Variants in RYR3 observed in about 807,000 individuals in gnomAD.
The protein encoded by RYR3 is ryanodine receptor 3.
A neutral mutation model predicts 584.3 loss-of-function variants in RYR3; 207 were observed. That is an observed-to-expected ratio of 0.35 (90% confidence interval 0.32 to 0.40). The LOEUF is 0.40. Ranked by LOEUF, RYR3 falls within the 10% of genes least tolerant of loss-of-function variation. RYR3 has a pLI of 1.00. For synonymous variants in RYR3, 2,416 were observed against 2,248.5 expected, an observed-to-expected ratio of 1.07 and a Z score of -2.11; for missense variants, 5,616 against 6,089.2, an observed-to-expected ratio of 0.92 and a Z score of 2.59.
chr15:33,652,959 C>A, intron 32 of RYR3, 76 bp downstream of exon 32: 1 of 1,417,606 alleles, frequency 7.1e-7, no homozygotes, highest in Non-Finnish European at 9.5e-7. Flanking sequence ...GTTCTCCGTA[C>A]TCAGCATTCC....
Position 33,773,557 on chromosome 15 carries a change from T to A in RYR3, c.9079T>A (p.Tyr3027Asn). The A allele has an allele frequency of 6.2e-7, 1 of 1,609,066 alleles. No individual in the cohort carries two copies. Among genetic ancestry groups the A allele is most frequent in the Non-Finnish European group, 8.5e-7 (1 of 1,177,434 alleles). The stretch of plus-strand genomic sequence containing the variant: ...AGTGGGTGATGTGCAGATTTCATGC[T>A]ACCACATACTGTGCAGCCTCTACTC... Reference protein sequence around the residue: ...LLLGDVQISCYHILCSLYSLG... With the variant: ...LLLGDVQISCNHILCSLYSLG... The change falls in exon 64 of 104, where the codon TAC (tyrosine) becomes AAC (asparagine). Residue 3027 changes from tyrosine to asparagine, a missense_variant. Transcript: ENST00000634891.
At chr15:33,743,493 A>T (rs1181855558) in intron 52 of RYR3, among the ~76,000 whole-genome samples, 1 of 152,156 alleles carries the variant, frequency 6.6e-6, no homozygotes, top group Non-Finnish European at 1.5e-5. Context: ...TTTATTAATT[A>T]AAAAAAGGTG....
At chr15:33,348,560 T>A (rs1595803972) in intron 1 of RYR3, among the ~76,000 whole-genome samples, 1 of 152,002 alleles carries the variant, frequency 6.6e-6, no homozygotes, top group South Asian at 2.1e-4. Flanking sequence ...ACTGCAACCT[T>A]TGCCTCCCGG....
rs1011369220 is a variant in RYR3 at position 33,371,425 on chromosome 15, A to G, written c.51+60329A>G. Among the ~76,000 whole-genome samples the G allele has an allele frequency of 1.1e-4, 17 of 152,352 alleles. No individual in the cohort carries two copies. The South Asian group carries it at 3.1e-3, about 28-fold the overall frequency. On this transcript the variant is annotated intron_variant, in intron 1 of 103. Coordinates refer to ENST00000634891, the MANE Select transcript of RYR3 (RefSeq NM_001036.6). ...TAGCACAGAAACATTTAAACAAGTGACAATGTGATGGCTGAAAGTGTCATG... is the reference window on the plus strand; with the variant it reads ...TAGCACAGAAACATTTAAACAAGTGGCAATGTGATGGCTGAAAGTGTCATG...
chr15:33,390,371 A>AATATTTCCAAACACTG lies in RYR3; in HGVS notation c.51+79288_51+79303dup, dbSNP rs1340392115. 2.6e-5 allele frequency among the ~76,000 whole-genome samples: 4 copies of AATATTTCCAAACACTG among 152,362 alleles called. No individual in the cohort carries two copies. Among genetic ancestry groups the AATATTTCCAAACACTG allele is most frequent in the East Asian group, 1.9e-4 (1 of 5,188 alleles). The stretch of plus-strand genomic sequence containing the variant: ...AATTTCACCTGACCTATTGAACACT[A>AATATTTCCAAACACTG]ATATTTCCAAACACTGATATTTCCA... On this transcript the variant is annotated intron_variant, in intron 1 of 103. Coordinates refer to ENST00000634891, the MANE Select transcript of RYR3 (RefSeq NM_001036.6). This position sits in a 1 kb window ranked among gnomAD's most constrained non-coding sequence, Gnocchi z 4.2.
chr15:33,405,157 AC>A (rs1300795791), intron 1 of RYR3, among the ~76,000 whole-genome samples: 1 of 152,156 alleles, frequency 6.6e-6, no homozygotes, highest in Non-Finnish European at 1.5e-5. Context: ...AACATATAAA[AC>A]TTTGGTTTTC....
chr15:33,865,335 TCCC>T lies in RYR3; in HGVS notation c.*110_*112del. On this transcript the variant is annotated 3_prime_UTR_variant, in exon 104 of 104. Transcript: ENST00000634891. ...TGAAATGTGACATTTTCTAAATGCCTCCCTTAAAAAAAAAACTGCTGAAAATCT... is the reference window on the plus strand; with the variant it reads ...TGAAATGTGACATTTTCTAAATGCCTTTAAAAAAAAAACTGCTGAAAATCT... 2.6e-6 allele frequency: 2 copies of T among 759,426 alleles called. No homozygotes were observed. Among genetic ancestry groups the T allele is most frequent in the South Asian group, 1.9e-5 (1 of 51,772 alleles). 47.0% of individuals were successfully genotyped at this position (759,426 alleles called of 1,614,324 possible).
rs200233523 is a variant in RYR3 at position 33,669,831 on chromosome 15, GGTGT to G, written c.5722+385_5722+388del. 9.8e-4 allele frequency among the ~76,000 whole-genome samples: 50 copies of G among 51,170 alleles called. 1 individual carries two copies. Among genetic ancestry groups the G allele is most frequent in the African/African-American group, 3.2e-3 (47 of 14,526 alleles). The allele number at this position is 51,170 out of a possible 152,430, so 33.6% of individuals were successfully genotyped here. Reference sequence around the variant, plus strand: ...ATCTCTTTGCTTTTTAGCTATTAGGGGTGTGTGTGTGTGGGGGGGGGGGGGGGTG... The same window carrying G: ...ATCTCTTTGCTTTTTAGCTATTAGGGGTGTGTGTGGGGGGGGGGGGGGGTG... On this transcript the variant is annotated intron_variant, in intron 37 of 103. Transcript: ENST00000634891.
chr15:33,818,367 A>G (rs541574159), intron 75 of RYR3, among the ~76,000 whole-genome samples: 2 of 152,332 alleles, frequency 1.3e-5, no homozygotes, highest in African/African-American at 2.4e-5. Context: ...CTGTAAAAAT[A>G]AAAAATATAC....
intron 36 of RYR3, among the ~76,000 whole-genome samples, chr15:33,668,427 G>A (rs899540086): frequency 1.3e-5 from 2 of 151,994 alleles, no homozygotes; most frequent in African/African-American, 4.8e-5. Flanking sequence ...AAAATCTAGA[G>A]GTGTCCAAAG....
At chr15:33,539,159 A>G in intron 5 of RYR3, 191 bp from the exon 6 acceptor site, 1 of 459,420 alleles carries the variant, frequency 2.2e-6, no homozygotes, top group East Asian at 3.3e-5. Flanking sequence ...GGGAAAATGA[A>G]AATGACAGAC....
At chr15:33,859,949 A>AG (rs1375632671) in intron 100 of RYR3, among the ~76,000 whole-genome samples, 1 of 152,222 alleles carries the variant, frequency 6.6e-6, no homozygotes, top group African/African-American at 2.4e-5. Context: ...ATCCATACAG[A>AG]GGAACCCCTT....
At chr15:33,376,168 T>C (rs1159148556) in intron 1 of RYR3, among the ~76,000 whole-genome samples, 1 of 152,226 alleles carries the variant, frequency 6.6e-6, no homozygotes, top group East Asian at 1.9e-4. Flanking sequence ...TTCTAATTTC[T>C]AGCACCATGG....
At chr15:33,773,732 G>C (rs1459956697) in intron 64 of RYR3, 117 bp downstream of exon 64, 1 of 721,484 alleles carries the variant, frequency 1.4e-6, no homozygotes, top group Non-Finnish European at 2.4e-6. Flanking sequence ...CACTGATACA[G>C]AATGGTGGTT....
At chr15:33,600,627 A>G (rs2059612104) in intron 16 of RYR3, among the ~76,000 whole-genome samples, 1 of 152,128 alleles carries the variant, frequency 6.6e-6, no homozygotes, top group Non-Finnish European at 1.5e-5. Context: ...TTCATGGGCC[A>G]CCTGGGATCT....
At chr15:33,746,983 A>G (rs914345360) in intron 53 of RYR3, among the ~76,000 whole-genome samples, 3 of 148,976 alleles carry the variant, frequency 2.0e-5, no homozygotes, top group Admixed American at 1.3e-4. Flanking sequence ...TAATGTTTGT[A>G]ATTTTTTAGC....
intron 27 of RYR3, among the ~76,000 whole-genome samples, chr15:33,642,448 C>G (rs1226311019): frequency 1.3e-5 from 2 of 152,194 alleles, no homozygotes; most frequent in Non-Finnish European, 2.9e-5. Context: ...AAAATACTGT[C>G]TTGAGATTAG....
Position 33,448,190 on chromosome 15 carries a change from G to A in RYR3, c.52-25229G>A, listed in dbSNP as rs542183602. Among the ~76,000 whole-genome samples the A allele has an allele frequency of 2.2e-4, 34 of 152,276 alleles. 1 individual carries two copies. The South Asian group carries it at 6.8e-3, about 31-fold the overall frequency. ...TGAGTCTTCCAGTGAGGGCCTCCGG[G>A]AGGATAAGCAGCCCCTCTCAAGAAA... On this transcript the variant is annotated intron_variant, in intron 1 of 103. Coordinates refer to ENST00000634891, the MANE Select transcript of RYR3 (RefSeq NM_001036.6).
intron 47 of RYR3, among the ~76,000 whole-genome samples, chr15:33,731,245 AT>A (rs1381660770): frequency 7.1e-6 from 1 of 140,214 alleles, no homozygotes; most frequent in Admixed American, 7.2e-5. Flanking sequence ...CTTTGTTATG[AT>A]TTTTTTGTGT....
Sources: allele counts gnomAD v4.1 joint callset (sites outside exome capture counted in the v4.1 genomes callset), GRCh38; gene constraint gnomAD v4.1.1; non-coding constraint Gnocchi (gnomAD v3.1); transcripts MANE v1.5; gene names NCBI Gene and HGNC (gene_info 2026-07-23, HGNC 2026-07-21).